Variants in PPP2R2C observed in about 807,000 individuals in gnomAD.
PPP2R2C encodes protein phosphatase 2, regulatory subunit B, gamma.
PPP2R2C carries 10 observed loss-of-function variants against 45.3 expected under a neutral mutation model. That is an observed-to-expected ratio of 0.22 (90% CI 0.14 to 0.37). PPP2R2C has a LOEUF of 0.37. Ranked by LOEUF, PPP2R2C falls within the 10% of genes least tolerant of loss-of-function variation. The pLI is 1.00. For synonymous variants in PPP2R2C, 257 were observed against 245.4 expected, an observed-to-expected ratio of 1.05 and a Z score of -0.44; for missense variants, 308 against 619.7, an observed-to-expected ratio of 0.50 and a Z score of 5.34.
chr4:6,352,357 G>A (rs2109238093), intron 5 of PPP2R2C, among the ~76,000 whole-genome samples: 1 of 152,272 alleles, frequency 6.6e-6, no homozygotes, highest in East Asian at 1.9e-4. Flanking sequence ...CTAACCGCAG[G>A]TGGCCCCACC....
chr4:6,557,972 T>G (rs1017276769), intron 1 of PPP2R2C, among the ~76,000 whole-genome samples: 2 of 145,538 alleles, frequency 1.4e-5, no homozygotes, highest in Admixed American at 6.8e-5. Context: ...CCTCTCCTCC[T>G]CCCCTGTGGA....
intron 1 of PPP2R2C, among the ~76,000 whole-genome samples, chr4:6,553,193 C>T (rs1003517289): frequency 3.9e-5 from 6 of 152,186 alleles, no homozygotes; most frequent in Non-Finnish European, 5.9e-5. Context: ...GCAGCGCCAC[C>T]GCAGGGAGAA....
At chr4:6,503,803 A>C (rs972758097) in intron 2 of PPP2R2C, among the ~76,000 whole-genome samples, 20 of 151,964 alleles carry the variant, frequency 1.3e-4, no homozygotes, top group African/African-American at 2.2e-4. Flanking sequence ...ATTAAAAAAA[A>C]AAAAACAAAA....
At chr4:6,496,089 C>T (rs1405340775) in intron 2 of PPP2R2C, among the ~76,000 whole-genome samples, 1 of 152,178 alleles carries the variant, frequency 6.6e-6, no homozygotes, top group Non-Finnish European at 1.5e-5. Context: ...GAACACCAGT[C>T]ATGGGATTTA....
chr4:6,367,329 C>T (rs71599883), intron 5 of PPP2R2C, among the ~76,000 whole-genome samples: 54 of 152,146 alleles, frequency 3.5e-4, no homozygotes, highest in Non-Finnish European at 6.5e-4. Flanking sequence ...GGAAAACCTC[C>T]AGTGGGCACG....
intron 5 of PPP2R2C, chr4:6,349,018 GC>G (rs1560467169): frequency 1.0e-6 from 1 of 985,140 alleles, no homozygotes; most frequent in Non-Finnish European, 1.2e-6. Flanking sequence ...AACCTCCCCG[GC>G]CCCAGCACCT....
rs74375279 is a variant in PPP2R2C at position 6,527,130 on chromosome 4, G to GTT, written c.49+8139_49+8140dup. Among the ~76,000 whole-genome samples, 16 of 152,080 alleles carry GTT rather than the reference G, an allele frequency of 1.1e-4. 1 individual carries two copies. The highest frequency in any genetic ancestry group is 4.4e-5 in the Non-Finnish European group (3 of 67,984). On this transcript the variant is annotated intron_variant, in intron 2 of 9. Transcript: ENST00000506140. ...GCAGCCTCAGCCACCCTGAGCCTCA[G>GTT]TTTTTTTATCTGTGCCATTGAAATA... is the stretch of plus-strand genomic sequence containing the variant.
At chr4:6,362,216 G>A (rs911758746) in intron 5 of PPP2R2C, among the ~76,000 whole-genome samples, 14 of 152,138 alleles carry the variant, frequency 9.2e-5, no homozygotes, top group African/African-American at 3.4e-4. Context: ...TAAGAGGGAG[G>A]GAGAGGCTCC....
intron 1 of PPP2R2C, among the ~76,000 whole-genome samples, chr4:6,453,768 C>T (rs1270064655): frequency 6.6e-6 from 1 of 152,220 alleles, no homozygotes; most frequent in Non-Finnish European, 1.5e-5. Context: ...TGTTTCTGCT[C>T]TGCACTCCTC....
At chr4:6,434,488 A>G (rs1719797059) in intron 1 of PPP2R2C, among the ~76,000 whole-genome samples, 1 of 150,882 alleles carries the variant, frequency 6.6e-6, no homozygotes, top group Non-Finnish European at 1.5e-5. Flanking sequence ...CCTCCCAAGT[A>G]CCTAAAATTA....
chr4:6,485,176 T>C (rs1011006141), intron 2 of PPP2R2C, among the ~76,000 whole-genome samples: 3 of 151,948 alleles, frequency 2.0e-5, no homozygotes, highest in African/African-American at 7.2e-5. Flanking sequence ...TAGCATAGGT[T>C]TTTATAAATT....
chr4:6,493,949 G>A (rs969231173), intron 2 of PPP2R2C, among the ~76,000 whole-genome samples: 10 of 152,202 alleles, frequency 6.6e-5, no homozygotes, highest in Admixed American at 1.3e-4. Context: ...TGTTAGATGC[G>A]TTGGCCTTTT....
chr4:6,386,454 C>T (rs570902747), intron 1 of PPP2R2C, among the ~76,000 whole-genome samples: 4 of 152,220 alleles, frequency 2.6e-5, no homozygotes, highest in Non-Finnish European at 5.9e-5. Flanking sequence ...GACCCCAAAC[C>T]ACACACACAC....
chr4:6,513,253 A>G (rs1723726053), intron 2 of PPP2R2C, among the ~76,000 whole-genome samples: 1 of 152,220 alleles, frequency 6.6e-6, no homozygotes, highest in South Asian at 2.1e-4. Flanking sequence ...ACAGCCCTAC[A>G]GGCTTTGGTT....
At chr4:6,373,693 C>A (rs1365917133) in intron 4 of PPP2R2C, among the ~76,000 whole-genome samples, 3 of 152,204 alleles carry the variant, frequency 2.0e-5, no homozygotes, top group Admixed American at 2.0e-4. Flanking sequence ...TGGGAGGTGA[C>A]AGCCTCGGTG....
chr4:6,389,000 T>G (rs1311584804), intron 1 of PPP2R2C, among the ~76,000 whole-genome samples: 1 of 151,494 alleles, frequency 6.6e-6, no homozygotes, highest in African/African-American at 2.4e-5. Context: ...ACGTGCCACC[T>G]GGGGGAGACA....
chr4:6,520,117 C>T (rs894791755), intron 2 of PPP2R2C, among the ~76,000 whole-genome samples: 2 of 152,078 alleles, frequency 1.3e-5, no homozygotes, highest in Non-Finnish European at 2.9e-5. Flanking sequence ...TAGGTTAGAC[C>T]AATGGCTCTG....
chr4:6,435,322 C>G (rs1231472453), intron 1 of PPP2R2C, among the ~76,000 whole-genome samples: 1 of 152,104 alleles, frequency 6.6e-6, no homozygotes, highest in African/African-American at 2.4e-5. Flanking sequence ...AATCTATCTA[C>G]TTTGTGGAGC....
At chr4:6,398,853 G>A (rs1161915400) in intron 1 of PPP2R2C, among the ~76,000 whole-genome samples, 1 of 152,198 alleles carries the variant, frequency 6.6e-6, no homozygotes, top group East Asian at 1.9e-4. Flanking sequence ...ATATTCATCA[G>A]CAGGGGAAGG....
Sources: gnomAD v4.1 joint callset for allele counts (sites outside exome capture counted in the v4.1 genomes callset) on GRCh38, gnomAD v4.1.1 for gene constraint, MANE v1.5 for transcripts, NCBI Gene and HGNC (gene_info 2026-07-23, HGNC 2026-07-21) for gene names.